Variants in GALNT13 observed in about 807,000 individuals in gnomAD.
GALNT13 encodes UDP-GalNAc:polypeptide N-acetylgalactosaminyltransferase 13.
GALNT13 carries 28 observed loss-of-function variants against 64.2 expected under a neutral mutation model. The observed-to-expected ratio is 0.44, with a 90% confidence interval of 0.32 to 0.60. The LOEUF (loss-of-function observed/expected upper bound fraction) is 0.60, where lower values mean the gene tolerates loss of function less well. Among genes scored for constraint, GALNT13 ranks in the 20% least tolerant of loss-of-function variants. The pLI, the probability that GALNT13 is intolerant of heterozygous loss-of-function variation, is 0.05. For synonymous variants in GALNT13, 214 were observed against 224.6 expected (o/e 0.95, Z 0.42); for missense variants, 577 against 669.8 (o/e 0.86, Z 1.53).
chr2:154,134,789 C>T (rs769845840), intron 3 of GALNT13, among the ~76,000 whole-genome samples: 24 of 152,236 alleles, frequency 1.6e-4, no homozygotes, highest in Non-Finnish European at 2.6e-4. Flanking sequence ...GTCAGGAGTT[C>T]GAGACCCGCC....
At chr2:153,898,875 A>AG (rs1688047391) in intron 1 of GALNT13, among the ~76,000 whole-genome samples, 1 of 145,798 alleles carries the variant, frequency 6.9e-6, no homozygotes, top group South Asian at 2.2e-4. Context: ...AAAAAAAAAA[A>AG]TGATGGCAAT....
the GALNT13 span, among the ~76,000 whole-genome samples, chr2:153,359,630 C>CAAAAAAAAAA: frequency 2.4e-3 from 92 of 38,240 alleles, 7 homozygotes; most frequent in Non-Finnish European, 2.7e-3. Flanking sequence ...CAGCTTTCAG[C>CAAAAAAAAAA]AAAAAAAAAA....
the GALNT13 span, among the ~76,000 whole-genome samples, chr2:153,496,779 G>A: frequency 6.6e-6 from 1 of 151,720 alleles, no homozygotes; most frequent in African/African-American, 2.4e-5. Flanking sequence ...TGAGGTCAGT[G>A]GTTCAAGACC....
the GALNT13 span, among the ~76,000 whole-genome samples, chr2:153,141,059 A>G: frequency 2.3e-5 from 3 of 127,884 alleles, no homozygotes; most frequent in East Asian, 2.2e-4. Context: ...AGAACCATTA[A>G]TCTTTCTGTA....
At chr2:153,194,605 T>G in the GALNT13 span, among the ~76,000 whole-genome samples, 1 of 152,234 alleles carries the variant, frequency 6.6e-6, no homozygotes, top group Non-Finnish European at 1.5e-5. Context: ...AGTCTGTTGT[T>G]GAAGAATTAT....
At chr2:153,875,871 T>C (rs1199003115) in intron 1 of GALNT13, among the ~76,000 whole-genome samples, 1 of 152,184 alleles carries the variant, frequency 6.6e-6, no homozygotes, top group Non-Finnish European at 1.5e-5. Context: ...TTATTAGACA[T>C]GATATTTTAA....
intron 3 of GALNT13, among the ~76,000 whole-genome samples, chr2:154,060,748 A>G (rs570998872): frequency 7.5e-4 from 114 of 152,212 alleles, no homozygotes; most frequent in African/African-American, 2.5e-3. Context: ...CCTGGAACAG[A>G]GCTTGACCTA....
chr2:153,892,488 C>T (rs991301196), intron 1 of GALNT13, among the ~76,000 whole-genome samples: 9 of 151,828 alleles, frequency 5.9e-5, no homozygotes, highest in Admixed American at 2.0e-4. Flanking sequence ...CTAGTTGGAC[C>T]GTTATTTGAA....
chr2:154,270,661 G>C (rs796683348), intron 8 of GALNT13, among the ~76,000 whole-genome samples: 42 of 151,878 alleles, frequency 2.8e-4, no homozygotes, highest in African/African-American at 9.4e-4. Context: ...AAATATTCCT[G>C]ACAGCTAAAG....
chr2:154,346,192 G>T (rs1287132325), intron 9 of GALNT13, among the ~76,000 whole-genome samples: 1 of 151,770 alleles, frequency 6.6e-6, no homozygotes, highest in African/African-American at 2.4e-5. Flanking sequence ...GTCTTTTACA[G>T]AATTATTGAA....
the GALNT13 span, among the ~76,000 whole-genome samples, chr2:153,307,508 A>C: frequency 9.2e-5 from 14 of 152,274 alleles, no homozygotes; most frequent in South Asian, 2.9e-3. Context: ...AAAATATTAT[A>C]AATTTTACAC....
At chr2:153,711,472 T>C in the GALNT13 span, among the ~76,000 whole-genome samples, 2 of 152,144 alleles carry the variant, frequency 1.3e-5, no homozygotes, top group Non-Finnish European at 2.9e-5. Context: ...CATGCGGCCA[T>C]GCCTAGAAGC....
At chr2:154,435,974 T>A (rs1330753507) in intron 11 of GALNT13, 1 of 152,100 alleles carries the variant, frequency 6.6e-6, no homozygotes, top group Admixed American at 6.6e-5. Flanking sequence ...AAGAAGGATA[T>A]GTATATACTG....
In GALNT13 at chr2:154,444,653, A is replaced by G. The variant is rs558098724; in HGVS notation, c.1531-5758A>G. Among the ~76,000 whole-genome samples the G allele has an allele frequency of 4.6e-5, 7 of 152,260 alleles. No individual in the cohort carries two copies. The South Asian group carries it at 1.4e-3, about 32-fold the overall frequency. ...TTGACCTTGCAATTTCACTTCTAAG[A>G]ATCATTTCCAAAGAAATAATGACAG... On this transcript the variant is annotated intron_variant, in intron 12 of 12. Transcript: ENST00000392825.
the GALNT13 span, among the ~76,000 whole-genome samples, chr2:153,741,364 G>C: frequency 4.0e-5 from 6 of 151,516 alleles, no homozygotes; most frequent in African/African-American, 1.5e-4. Flanking sequence ...TTTCATATCT[G>C]TCTTTTCCTC....
intron 10 of GALNT13, among the ~76,000 whole-genome samples, chr2:154,398,865 T>C (rs1175183969): frequency 2.6e-5 from 4 of 152,224 alleles, no homozygotes; most frequent in African/African-American, 9.6e-5. Flanking sequence ...TGCCAACAGT[T>C]ATTCTAGGTG....
chr2:154,214,527 G>A (rs762435169), intron 4 of GALNT13, among the ~76,000 whole-genome samples: 3 of 151,996 alleles, frequency 2.0e-5, no homozygotes, highest in Non-Finnish European at 4.4e-5. Context: ...TAATCCCCAC[G>A]TGTTAAGGGT....
chr2:153,756,659 T>A, the GALNT13 span, among the ~76,000 whole-genome samples: 1 of 152,124 alleles, frequency 6.6e-6, no homozygotes, highest in East Asian at 1.9e-4. Context: ...CATTTTTCTT[T>A]TTTTTGTTTT....
chr2:153,838,948 T>C, the GALNT13 span, among the ~76,000 whole-genome samples: 3 of 151,886 alleles, frequency 2.0e-5, no homozygotes, highest in Non-Finnish European at 4.4e-5. Context: ...TCTTCTTCAA[T>C]TTTTTATCTT....
Sources: gnomAD v4.1 joint callset for allele counts (sites outside exome capture counted in the v4.1 genomes callset) on GRCh38, gnomAD v4.1.1 for gene constraint, MANE v1.5 for transcripts, NCBI Gene and HGNC (gene_info 2026-07-23, HGNC 2026-07-21) for gene names.